Variants in CACNA1C observed in about 807,000 individuals in gnomAD.
The protein encoded by CACNA1C is voltage-dependent L-type calcium channel subunit alpha-1C.
In CACNA1C, 30 loss-of-function variants were observed where a neutral mutation model predicts 229.0. The observed-to-expected ratio is 0.13, with a 90% CI of 0.10 to 0.18. CACNA1C has a LOEUF of 0.18. CACNA1C is among the 10% of genes least tolerant of loss of function. The probability of loss-of-function intolerance (pLI) is 1.00; values close to 1 mark genes in which losing one functional copy is unlikely to be tolerated. For missense variants in CACNA1C, 1,658 were observed against 2,845.0 expected (o/e 0.58, Z 9.49); for synonymous variants, 1,114 against 1,132.5 (o/e 0.98, Z 0.33).
intron 11 of CACNA1C, among the ~76,000 whole-genome samples, chr12:2,559,271 T>C (rs1421805876): frequency 6.6e-6 from 1 of 152,198 alleles, no homozygotes; most frequent in Non-Finnish European, 1.5e-5. Flanking sequence ...AAATCATAAA[T>C]TAATAAATGA....
At chr12:2,091,698 A>G (rs1036610148) in intron 1 of CACNA1C, among the ~76,000 whole-genome samples, 2 of 152,214 alleles carry the variant, frequency 1.3e-5, no homozygotes, top group Non-Finnish European at 2.9e-5. Context: ...AGTACCAGGG[A>G]TGAGGACAAG....
intron 29 of CACNA1C, among the ~76,000 whole-genome samples, chr12:2,621,450 A>G (rs2083200222): frequency 6.6e-6 from 1 of 152,234 alleles, no homozygotes; most frequent in Non-Finnish European, 1.5e-5. Context: ...ACTGTGCCAG[A>G]GCGCACAGGC....
chr12:2,568,356 A>C (rs1321825102), intron 13 of CACNA1C, among the ~76,000 whole-genome samples: 3 of 152,190 alleles, frequency 2.0e-5, no homozygotes. Context: ...ACCCTTGTGC[A>C]CTATGGGTGG....
intron 3 of CACNA1C, among the ~76,000 whole-genome samples, chr12:2,416,894 G>A (rs568199780): frequency 6.6e-6 from 1 of 152,334 alleles, no homozygotes; most frequent in Non-Finnish European, 1.5e-5. Flanking sequence ...GCAGAGGCCG[G>A]ATTCGAACCC....
chr12:1,979,601 C>T (rs186418637), intron 1 of CACNA1C, among the ~76,000 whole-genome samples: 12 of 152,342 alleles, frequency 7.9e-5, no homozygotes, highest in African/African-American at 2.6e-4. Context: ...CGTGAGCCAC[C>T]GTGCCCAGCC....
At chr12:2,264,748 G>A (rs2081664941) in intron 3 of CACNA1C, among the ~76,000 whole-genome samples, 1 of 152,208 alleles carries the variant, frequency 6.6e-6, no homozygotes, top group South Asian at 2.1e-4. Flanking sequence ...TCCCTTGGCA[G>A]CGAGTACTTC....
At chr12:2,435,889 C>A (rs979215108) in intron 3 of CACNA1C, among the ~76,000 whole-genome samples, 3 of 152,210 alleles carry the variant, frequency 2.0e-5, no homozygotes, top group Non-Finnish European at 2.9e-5. Context: ...GTGCCATGTA[C>A]CAACATCCCA....
chr12:2,328,977 C>A (rs767434324), intron 3 of CACNA1C, among the ~76,000 whole-genome samples: 7 of 152,148 alleles, frequency 4.6e-5, no homozygotes, highest in Non-Finnish European at 8.8e-5. Flanking sequence ...CTTGTTGTCA[C>A]CCTTGTTCTA....
chr12:2,638,806 T>A (rs1004952879), intron 30 of CACNA1C, among the ~76,000 whole-genome samples: 2 of 152,170 alleles, frequency 1.3e-5, no homozygotes, highest in African/African-American at 4.8e-5. Flanking sequence ...GGAGGCGGGC[T>A]GGAGGCGGGG....
intron 29 of CACNA1C, among the ~76,000 whole-genome samples, chr12:2,623,355 A>G (rs123268): frequency 0.99 from 151,398 of 152,164 alleles, 75,323 homozygotes; most frequent in Middle Eastern, 1. Context: ...GAGCCTCTCC[A>G]TGGTTCCCCA....
intron 29 of CACNA1C, chr12:2,614,585 C>T (rs939134067): frequency 2.6e-5 from 4 of 152,212 alleles, no homozygotes; most frequent in African/African-American, 9.6e-5. Flanking sequence ...TGGCTTCTAA[C>T]CATGACCTGA....
intron 1 of CACNA1C, among the ~76,000 whole-genome samples, chr12:1,995,785 G>A (rs575125535): frequency 1.4e-4 from 22 of 152,246 alleles, no homozygotes; most frequent in Middle Eastern, 3.4e-3. Flanking sequence ...ACCCTCATCG[G>A]TTCCTCTTTA....
At chr12:2,102,428 G>A (rs994269612) in intron 1 of CACNA1C, among the ~76,000 whole-genome samples, 6 of 152,140 alleles carry the variant, frequency 3.9e-5, no homozygotes, top group Non-Finnish European at 8.8e-5. Flanking sequence ...AAGGAAAGGG[G>A]AGGCTGAGCC....
At chr12:2,480,364 C>G (rs548722823) in intron 5 of CACNA1C, among the ~76,000 whole-genome samples, 2 of 152,238 alleles carry the variant, frequency 1.3e-5, no homozygotes, top group Non-Finnish European at 2.9e-5. Flanking sequence ...AGCCTTTCTG[C>G]AGCCTCCATG....
intron 3 of CACNA1C, among the ~76,000 whole-genome samples, chr12:2,273,822 A>G (rs1692431534): frequency 6.6e-6 from 1 of 152,236 alleles, no homozygotes; most frequent in Admixed American, 6.5e-5. Context: ...GTTAGGGGGC[A>G]GAGAACGGGA....
intron 34 of CACNA1C, among the ~76,000 whole-genome samples, chr12:2,663,469 G>A (rs971809218): frequency 6.6e-6 from 1 of 152,058 alleles, no homozygotes; most frequent in Non-Finnish European, 1.5e-5. Context: ...CCCACTCCTG[G>A]GTATCCACCC....
chr12:2,098,866 TCAC>T (rs1282531278), intron 1 of CACNA1C, among the ~76,000 whole-genome samples: 1 of 152,258 alleles, frequency 6.6e-6, no homozygotes, highest in African/African-American at 2.4e-5. Context: ...CTTGTAGTCT[TCAC>T]CATTGTTCTG....
At chr12:2,683,153 G>A (rs538716933) in intron 43 of CACNA1C, among the ~76,000 whole-genome samples, 25 of 152,306 alleles carry the variant, frequency 1.6e-4, no homozygotes, top group Non-Finnish European at 7.4e-5. Flanking sequence ...GCCATTCTTA[G>A]AGTATTTTTA....
At chr12:2,120,697 T>TG (rs3085995) in intron 3 of CACNA1C, among the ~76,000 whole-genome samples, 12 of 151,018 alleles carry the variant, frequency 7.9e-5, no homozygotes, top group African/African-American at 2.0e-4. Flanking sequence ...TGTGTGTGTG[T>TG]TTAGTAGCAA....
Sources: gnomAD v4.1 joint callset for allele counts (sites outside exome capture counted in the v4.1 genomes callset) on GRCh38, gnomAD v4.1.1 for gene constraint, MANE v1.5 for transcripts, NCBI Gene and HGNC (gene_info 2026-07-23, HGNC 2026-07-21) for gene names.